The following JMJD1C variants were observed in gnomAD, a reference collection of about 807,000 sequenced individuals.
JMJD1C encodes jumonji domain containing 1C.
In JMJD1C, 31 loss-of-function variants were observed where a neutral mutation model predicts 245.3. That is an observed-to-expected ratio of 0.13 (90% CI 0.09 to 0.17). The LOEUF is 0.17. Ranked by LOEUF, JMJD1C falls within the 10% of genes least tolerant of loss-of-function variation. The pLI is 1.00. For synonymous variants in JMJD1C, 1,057 were observed against 1,017.4 expected (o/e 1.04, Z -0.74); for missense variants, 2,691 against 3,000.2 (o/e 0.90, Z 2.41).
chr10:63,334,706 A>G (rs10995506), intron 2 of JMJD1C, among the ~76,000 whole-genome samples: 130,337 of 151,540 alleles, frequency 0.86, 56,695 homozygotes, highest in African/African-American at 0.96. Context: ...GGGCAACAGA[A>G]TGAGACTGTG....
At chr10:63,460,114 C>A (rs1478537375) in intron 1 of JMJD1C, among the ~76,000 whole-genome samples, 1 of 152,170 alleles carries the variant, frequency 6.6e-6, no homozygotes, top group Non-Finnish European at 1.5e-5. Context: ...TTAGAAAAAT[C>A]ATGGCCCATC....
At chr10:63,205,310 T>C (rs1405380421) in intron 10 of JMJD1C, among the ~76,000 whole-genome samples, 2 of 152,206 alleles carry the variant, frequency 1.3e-5, no homozygotes, top group East Asian at 3.8e-4. Flanking sequence ...GCTTCCAATT[T>C]TGTCACCAGA....
At chr10:63,419,257 G>C (rs2132723027) in intron 1 of JMJD1C, among the ~76,000 whole-genome samples, 1 of 150,946 alleles carries the variant, frequency 6.6e-6, no homozygotes, top group East Asian at 2.0e-4. Context: ...CATGGTGGCA[G>C]GCGCCTGTAA....
At chr10:63,286,498 G>C (rs544665056) in intron 2 of JMJD1C, among the ~76,000 whole-genome samples, 2 of 152,176 alleles carry the variant, frequency 1.3e-5, no homozygotes, top group Non-Finnish European at 2.9e-5. Flanking sequence ...TTTCTTAACA[G>C]ATCAGTTTCC....
intron 2 of JMJD1C, among the ~76,000 whole-genome samples, chr10:63,334,623 A>G (rs10822158): frequency 0.43 from 64,531 of 151,726 alleles, 14,361 homozygotes; most frequent in South Asian, 0.53. Flanking sequence ...CGGGAGGCTG[A>G]GTTGGGAAGA....
intron 2 of JMJD1C, chr10:63,373,131 TA>T (rs1311468397): frequency 1.2e-5 from 2 of 169,660 alleles, no homozygotes; most frequent in Non-Finnish European, 2.9e-5. Context: ...TTTACTTTAT[TA>T]AAAAGTAAAT....
At chr10:63,262,482 C>A (rs190419160) in intron 3 of JMJD1C, among the ~76,000 whole-genome samples, 1 of 152,204 alleles carries the variant, frequency 6.6e-6, no homozygotes, top group Admixed American at 6.5e-5. Flanking sequence ...AAAAAATGCA[C>A]ATAGAAAAGC....
At chr10:63,376,166 G>A (rs1253887366) in intron 2 of JMJD1C, among the ~76,000 whole-genome samples, 3 of 152,130 alleles carry the variant, frequency 2.0e-5, no homozygotes, top group Non-Finnish European at 2.9e-5. Flanking sequence ...CTGTAACAGT[G>A]TCAAGACCAT....
intron 22 of JMJD1C, among the ~76,000 whole-genome samples, chr10:63,178,764 C>T (rs911378257): frequency 6.6e-6 from 1 of 152,072 alleles, no homozygotes; most frequent in African/African-American, 2.4e-5. Context: ...AATTCCTACA[C>T]GTATGTATGT....
Position 63,332,848 on chromosome 10 carries a change from T to C in JMJD1C, c.333+47470A>G, listed in dbSNP as rs1470795450. 2.0e-5 allele frequency among the ~76,000 whole-genome samples: 3 copies of C among 152,228 alleles called. No individual in the cohort carries two copies. In the South Asian group the frequency reaches 6.2e-4, roughly 31 times the overall value. On this transcript the variant is annotated intron_variant, in intron 2 of 25. Transcript: ENST00000399262. ...CTGTATGAGGTAGAGATTTTTAACT[T>C]ATGCTGTCTAGGAATACTGATCTAT...
At chr10:63,272,273 G>A (rs1333077156) in intron 2 of JMJD1C, among the ~76,000 whole-genome samples, 5 of 151,942 alleles carry the variant, frequency 3.3e-5, no homozygotes, top group Non-Finnish European at 7.4e-5. Context: ...TTTTTGAGAT[G>A]GAGTTTTGCT....
At chr10:63,292,886 A>T (rs901472780) in intron 2 of JMJD1C, among the ~76,000 whole-genome samples, 3 of 152,086 alleles carry the variant, frequency 2.0e-5, no homozygotes, top group African/African-American at 7.2e-5. Context: ...TCTACAAAAA[A>T]TACAAAACTT....
intron 1 of JMJD1C, among the ~76,000 whole-genome samples, chr10:63,458,723 A>T (rs866175701): frequency 0.014 from 1,377 of 95,370 alleles, 14 homozygotes; most frequent in Non-Finnish European, 0.019. Context: ...CTTTTTTTTT[A>T]TTTATTTATT....
At chr10:63,279,352 TC>T (rs1857159949) in intron 2 of JMJD1C, among the ~76,000 whole-genome samples, 1 of 152,170 alleles carries the variant, frequency 6.6e-6, no homozygotes, top group Non-Finnish European at 1.5e-5. Context: ...TGGAATTGTA[TC>T]CATTGAAACA....
At chr10:63,263,820 T>G (rs550108723) in intron 3 of JMJD1C, among the ~76,000 whole-genome samples, 2 of 151,458 alleles carry the variant, frequency 1.3e-5, no homozygotes, top group Non-Finnish European at 2.9e-5. Flanking sequence ...TCATCCCAGC[T>G]GCTCTGGAGG....
Position 63,213,810 on chromosome 10 carries a change from G to C in JMJD1C, c.2357C>G (p.Pro786Arg). The C allele has an allele frequency of 6.2e-7, 1 of 1,613,986 alleles. No individual in the cohort carries two copies. Residue 786 changes from proline (P) to arginine (R), a missense_variant, in exon 8 of 26, where the codon CCA becomes CGA. Physicochemically the swap from Pro to Arg is moderately radical, Grantham distance 103. Around this residue, in one of 9 missense-constraint regions of JMJD1C, gnomAD observed 1,562 missense variants for 1,490.7 expected, o/e 1.05. Transcript: ENST00000399262. ...ATGAGGGTGATGAACAGCATGGTGTGGACCACTAGTCAGAGGATGAGTGTT... is the reference window on the plus strand; with the variant it reads ...ATGAGGGTGATGAACAGCATGGTGTCGACCACTAGTCAGAGGATGAGTGTT... ...TINTHPLTSGPHHAVHHPHLL... is the reference protein window; with the variant it reads ...TINTHPLTSGRHHAVHHPHLL...
chr10:63,314,956 G>GAT (rs1554884186), intron 2 of JMJD1C, among the ~76,000 whole-genome samples: 1 of 133,464 alleles, frequency 7.5e-6, no homozygotes, highest in African/African-American at 2.8e-5. Flanking sequence ...AGCCTTTTTT[G>GAT]TTTTTTTTTT....
intron 3 of JMJD1C, among the ~76,000 whole-genome samples, chr10:63,259,773 C>T (rs1195677146): frequency 6.6e-6 from 1 of 152,164 alleles, no homozygotes; most frequent in Non-Finnish European, 1.5e-5. Flanking sequence ...TCCCTTCAAC[C>T]AGCAATTCAC....
intron 24 of JMJD1C, among the ~76,000 whole-genome samples, chr10:63,168,874 T>C (rs1564541072): frequency 6.6e-6 from 1 of 152,192 alleles, no homozygotes; most frequent in Non-Finnish European, 1.5e-5. Context: ...AGTGGACTTT[T>C]AAAAAATGTG....
Sources: gnomAD v4.1 joint callset for allele counts (sites outside exome capture counted in the v4.1 genomes callset) on GRCh38, gnomAD v4.1.1 for gene constraint, gnomAD v4.1.1 regional missense constraint, MANE v1.5 for transcripts, NCBI Gene and HGNC (gene_info 2026-07-23, HGNC 2026-07-21) for gene names.